Variants in ERCC6L2 observed in about 807,000 individuals in gnomAD.
The protein encoded by ERCC6L2 is DNA excision repair protein ERCC-6-like 2.
In ERCC6L2, 77 loss-of-function variants were observed where a neutral mutation model predicts 132.0. The ratio of observed to expected loss-of-function variants is 0.58; its 90% CI spans 0.49 to 0.71. ERCC6L2 has a LOEUF of 0.71. Among genes scored for constraint, ERCC6L2 ranks in the 30% least tolerant of loss-of-function variants. ERCC6L2 has a pLI of 0.00. For missense variants in ERCC6L2, 1,542 were observed against 1,837.6 expected (o/e 0.84, Z 2.94); for synonymous variants, 583 against 632.4 (o/e 0.92, Z 1.17).
chr9:96,023,627 C>T (rs548566828), intron 19 of ERCC6L2, among the ~76,000 whole-genome samples: 18 of 152,316 alleles, frequency 1.2e-4, no homozygotes, highest in Non-Finnish European at 8.8e-5. Flanking sequence ...GAATGGAGCC[C>T]GGAGTTTCTC....
rs189901252 is a variant in ERCC6L2, at chr9:95,964,135, C to T, written c.1948-2427C>T. Among the ~76,000 whole-genome samples, 7 of 152,210 alleles carry T rather than the reference C, an allele frequency of 4.6e-5. No individual in the cohort carries two copies. The East Asian group carries it at 1.4e-3, about 29-fold the overall frequency. On this transcript the variant is annotated intron_variant, in intron 13 of 18. Coordinates refer to ENST00000653738, the MANE Select transcript of ERCC6L2 (RefSeq NM_020207.7). Reference sequence around the variant, plus strand: ...TAATGGTTGTCAGGTGGTGATTTTTCTATTTCCATTATCCTTCTTGGTTGT... The same window carrying T: ...TAATGGTTGTCAGGTGGTGATTTTTTTATTTCCATTATCCTTCTTGGTTGT...
At chr9:96,029,101 G>A (rs988454115) in intron 19 of ERCC6L2, among the ~76,000 whole-genome samples, 1 of 151,910 alleles carries the variant, frequency 6.6e-6, no homozygotes, top group Admixed American at 6.6e-5. Flanking sequence ...TCAGGAGATC[G>A]AGACCATCCT....
intron 11 of ERCC6L2, among the ~76,000 whole-genome samples, chr9:95,933,582 C>T (rs376422721): frequency 2.6e-5 from 4 of 152,216 alleles, no homozygotes; most frequent in East Asian, 1.9e-4. Context: ...CAGTGGCTCA[C>T]GCGTGTATTC....
downstream of ERCC6L2, chr9:96,021,398 G>T (rs1588064066): frequency 3.5e-6 from 1 of 282,502 alleles, no homozygotes; most frequent in Non-Finnish European, 6.8e-6. This position sits in a 1 kb window ranked among gnomAD's most constrained non-coding sequence, Gnocchi z 4.7. Context: ...CGGGCAGGGA[G>T]CGAGGGGCGG....
intron 13 of ERCC6L2, among the ~76,000 whole-genome samples, chr9:95,956,499 A>G (rs1295760651): frequency 1.3e-5 from 2 of 152,138 alleles, no homozygotes; most frequent in Non-Finnish European, 2.9e-5. Flanking sequence ...GTGTTAGTTC[A>G]TTCTCATGCT....
At chr9:95,889,211 T>A (rs1828031858) in intron 2 of ERCC6L2, among the ~76,000 whole-genome samples, 4 of 152,176 alleles carry the variant, frequency 2.6e-5, no homozygotes, top group Admixed American at 2.6e-4. Context: ...TTTTAGAGAA[T>A]TTGACAAATG....
In ERCC6L2 at chr9:96,004,610, A is replaced by G. The variant is rs1270576577; in HGVS notation, c.3583A>G (p.Ile1195Val). Residue 1195 changes from isoleucine (I) to valine (V), a missense_variant, in exon 18 of 19, where the codon ATT becomes GTT. By Grantham distance (29) the Ile-to-Val change is conservative. Transcript: ENST00000653738. ...AGGCAGCATTTCACTTCCTCTTTAC[A>G]TTTCAAATCCTGTAAACCAGAAGAA... Reference protein sequence around the residue: ...SEGSISLPLYISNPVNQKKKK... With the variant: ...SEGSISLPLYVSNPVNQKKKK... 3.0e-6 allele frequency: 4 copies of G among 1,318,632 alleles called. No individual in the cohort carries two copies. In the South Asian group the frequency reaches 4.9e-5, roughly 16 times the overall value. 81.7% of individuals were successfully genotyped at this position (1,318,632 alleles called of 1,614,324 possible). A position where few individuals can be genotyped will look rare whatever the true frequency, so the allele number is the denominator to read the frequency against.
At chr9:95,960,450 G>A (rs769726570) in intron 13 of ERCC6L2, among the ~76,000 whole-genome samples, 3 of 152,202 alleles carry the variant, frequency 2.0e-5, no homozygotes, top group East Asian at 1.9e-4. Context: ...CTTGAGATTC[G>A]GGGATTATCT....
chr9:95,910,888 G>C (rs1266146307), intron 4 of ERCC6L2, among the ~76,000 whole-genome samples: 1 of 152,050 alleles, frequency 6.6e-6, no homozygotes, highest in African/African-American at 2.4e-5. Flanking sequence ...ACTGAACCTT[G>C]ACCATCTAAC....
intron 17 of ERCC6L2, among the ~76,000 whole-genome samples, chr9:95,982,240 A>G (rs1238688023): frequency 6.6e-6 from 1 of 152,182 alleles, no homozygotes; most frequent in Admixed American, 6.6e-5. Context: ...TGTCTTTTAT[A>G]TAACCAGTGC....
chr9:95,992,411 T>C (rs1243795316), intron 17 of ERCC6L2, among the ~76,000 whole-genome samples: 2 of 152,212 alleles, frequency 1.3e-5, no homozygotes, highest in South Asian at 2.1e-4. Flanking sequence ...GCCTTATCAT[T>C]AAATTCACTT....
chr9:96,037,364 C>A (rs2133273490), intron 19 of ERCC6L2, among the ~76,000 whole-genome samples: 1 of 152,292 alleles, frequency 6.6e-6, no homozygotes, highest in South Asian at 2.1e-4. Flanking sequence ...AAACAGTAGC[C>A]CAGAGAGGCC....
chr9:96,038,860 T>C (rs760116436), intron 19 of ERCC6L2: 15 of 456,226 alleles, frequency 3.3e-5, no homozygotes, highest in Non-Finnish European at 5.7e-5. Context: ...TAACAATGTG[T>C]GACTTCTGAT....
At chr9:96,012,098 C>T in intron 18 of ERCC6L2, 127 bp from the exon 19 acceptor site, 2 of 529,754 alleles carry the variant, frequency 3.8e-6, no homozygotes, top group Non-Finnish European at 5.5e-6. Flanking sequence ...TTGTGGAATT[C>T]AGCAGACGTA....
chr9:96,020,792 G>A (rs1015982715), downstream of ERCC6L2: 1 of 456,758 alleles, frequency 2.2e-6, no homozygotes, highest in Admixed American at 2.3e-5. Flanking sequence ...CTAAGAGAAT[G>A]GGAAGGCAGA....
intron 3 of ERCC6L2, among the ~76,000 whole-genome samples, chr9:95,900,877 C>G (rs1294271935): frequency 6.6e-6 from 1 of 151,960 alleles, no homozygotes; most frequent in Non-Finnish European, 1.5e-5. Context: ...TTTTATTTCT[C>G]TTTGTGTTCA....
intron 13 of ERCC6L2, among the ~76,000 whole-genome samples, chr9:95,961,316 A>G (rs1831890105): frequency 6.6e-6 from 1 of 152,104 alleles, no homozygotes; most frequent in African/African-American, 2.4e-5. Context: ...ACCATGTGAC[A>G]ATGGAGGCAG....
chr9:95,906,840 T>C (rs1829063344), intron 3 of ERCC6L2: 1 of 541,578 alleles, frequency 1.8e-6, no homozygotes, highest in Non-Finnish European at 3.3e-6. Flanking sequence ...AAAAAACACG[T>C]GTTTCTTTGA....
chr9:95,932,121 A>G lies in ERCC6L2; in HGVS notation c.1751+3257A>G, dbSNP rs149032957. On this transcript the variant is annotated intron_variant, in intron 11 of 18. Transcript: ENST00000653738. ...TGTCTCACTCTGTGGCCCAGGCTGTATGGTGCAATCTTGGCTCACTGCAAC... is the reference window on the plus strand; with the variant it reads ...TGTCTCACTCTGTGGCCCAGGCTGTGTGGTGCAATCTTGGCTCACTGCAAC... Among the ~76,000 whole-genome samples, 501 of 149,140 alleles carry G rather than the reference A, an allele frequency of 3.4e-3. 2 individuals carry two copies. The highest frequency in any genetic ancestry group is 6.2e-3 in the Admixed American group (93 of 14,938).
Sources: gnomAD v4.1 joint callset for allele counts (sites outside exome capture counted in the v4.1 genomes callset) on GRCh38, gnomAD v4.1.1 for gene constraint, Gnocchi (gnomAD v3.1) non-coding constraint, MANE v1.5 for transcripts, NCBI Gene and HGNC (gene_info 2026-07-23, HGNC 2026-07-21) for gene names.